Variants in GLRA1 observed in about 807,000 individuals in gnomAD.
The protein encoded by GLRA1 is glycine receptor alpha 1.
In GLRA1, 37 loss-of-function variants were observed where a neutral mutation model predicts 48.3. The ratio of observed to expected loss-of-function variants is 0.77; its 90% confidence interval spans 0.59 to 1.01. GLRA1 has a LOEUF of 1.01. GLRA1 is among the 50% of genes least tolerant of loss of function. GLRA1 has a pLI of 0.00. For synonymous variants in GLRA1, 196 were observed against 210.7 expected (o/e 0.93, Z 0.60); for missense variants, 427 against 571.0 (o/e 0.75, Z 2.57).
At chr5:151,919,037 A>G (rs930850960) in intron 1 of GLRA1, among the ~76,000 whole-genome samples, 5 of 152,246 alleles carry the variant, frequency 3.3e-5, no homozygotes, top group Non-Finnish European at 1.5e-5. Flanking sequence ...AGTGCATTTT[A>G]AACATTTCAA....
intron 3 of GLRA1, among the ~76,000 whole-genome samples, chr5:151,875,123 C>T (rs985721885): frequency 5.3e-5 from 8 of 152,096 alleles, no homozygotes; most frequent in African/African-American, 1.9e-4. Flanking sequence ...TGACTTGTGA[C>T]TAAATGACTG....
intron 1 of GLRA1, among the ~76,000 whole-genome samples, chr5:151,900,482 A>T (rs1262978092): frequency 1.3e-5 from 2 of 152,048 alleles, no homozygotes; most frequent in Non-Finnish European, 2.9e-5. Context: ...GCTGTTCCTA[A>T]TGTGGACTCT....
chr5:151,843,197 A>G (rs547920155), intron 7 of GLRA1, among the ~76,000 whole-genome samples: 4 of 151,888 alleles, frequency 2.6e-5, no homozygotes, highest in Non-Finnish European at 5.9e-5. Flanking sequence ...GAGTCAATGC[A>G]TTCTTTATTA....
intron 7 of GLRA1, among the ~76,000 whole-genome samples, chr5:151,843,148 A>C (rs1346546506): frequency 6.6e-6 from 1 of 152,126 alleles, no homozygotes; most frequent in African/African-American, 2.4e-5. Context: ...GGAAGACATA[A>C]TATTGTTAAG....
intron 2 of GLRA1, among the ~76,000 whole-genome samples, chr5:151,888,471 G>A (rs913454130): frequency 3.9e-5 from 6 of 152,186 alleles, no homozygotes; most frequent in African/African-American, 1.4e-4. Flanking sequence ...GTCATTCTCA[G>A]CTTCAGTGGT....
chr5:151,849,096 T>C (rs1752763858), intron 7 of GLRA1: 1 of 234,058 alleles, frequency 4.3e-6, no homozygotes, highest in Non-Finnish European at 7.6e-6. Flanking sequence ...TCCTTTTTAT[T>C]TCTTTTCTTT....
At chr5:151,921,765 A>G (rs1038514432) in intron 1 of GLRA1, among the ~76,000 whole-genome samples, 1 of 152,224 alleles carries the variant, frequency 6.6e-6, no homozygotes, top group African/African-American at 2.4e-5. Flanking sequence ...TCAAATGAAA[A>G]TAAGGGAAAA....
At chr5:151,918,364 G>A (rs1480475144) in intron 1 of GLRA1, among the ~76,000 whole-genome samples, 8 of 152,254 alleles carry the variant, frequency 5.3e-5, no homozygotes, top group East Asian at 1.9e-4. Context: ...AACACCATCC[G>A]GTGCCTGTGG....
intron 3 of GLRA1, among the ~76,000 whole-genome samples, chr5:151,875,950 A>G (rs754144330): frequency 1.3e-5 from 2 of 152,152 alleles, no homozygotes; most frequent in Non-Finnish European, 2.9e-5. Flanking sequence ...CAGTTTCCTT[A>G]TCTATAAAAT....
chr5:151,838,518 A>T (rs1278122828), intron 7 of GLRA1, among the ~76,000 whole-genome samples: 1 of 152,154 alleles, frequency 6.6e-6, no homozygotes, highest in Non-Finnish European at 1.5e-5. Context: ...GGAGTTGAAA[A>T]GTAAAATAAC....
intron 1 of GLRA1, among the ~76,000 whole-genome samples, chr5:151,895,393 T>C (rs1754204762): frequency 6.6e-6 from 1 of 152,172 alleles, no homozygotes; most frequent in Admixed American, 6.5e-5. Flanking sequence ...TAATATAGAA[T>C]AGTGCAAAAG....
At chr5:151,888,835 C>G (rs918521651) in intron 2 of GLRA1, among the ~76,000 whole-genome samples, 1 of 152,170 alleles carries the variant, frequency 6.6e-6, no homozygotes, top group Non-Finnish European at 1.5e-5. Context: ...CTTAAGCAGC[C>G]CTTTCCATAG....
At chr5:151,864,737 A>T (rs534260825) in intron 3 of GLRA1, among the ~76,000 whole-genome samples, 1 of 152,180 alleles carries the variant, frequency 6.6e-6, no homozygotes, top group South Asian at 2.1e-4. Context: ...GCACTTCTTC[A>T]CTGTGTATGT....
chr5:151,875,468 C>G (rs532375847), intron 3 of GLRA1: 2 of 152,342 alleles, frequency 1.3e-5, no homozygotes, highest in African/African-American at 4.8e-5. Flanking sequence ...ACAACCACAC[C>G]TGGCTATAAG....
At chr5:151,835,170 C>T (rs905959352) in intron 7 of GLRA1, among the ~76,000 whole-genome samples, 4 of 151,824 alleles carry the variant, frequency 2.6e-5, no homozygotes, top group African/African-American at 4.8e-5. Flanking sequence ...ACTAGAAAAT[C>T]TAGGAGAAAT....
intron 3 of GLRA1, 128 bp downstream of exon 3, chr5:151,886,593 A>C (rs1753912450): frequency 1.4e-6 from 1 of 738,190 alleles, no homozygotes. Flanking sequence ...CTCATGGTAT[A>C]CCACTGGAGA....
chr5:151,850,472 T>C, intron 7 of GLRA1: 7 of 1,050,188 alleles, frequency 6.7e-6, no homozygotes, highest in Non-Finnish European at 4.5e-6. Context: ...AGGAGAATGG[T>C]CTGAAGTACA....
chr5:151,908,754 GA>G (rs1329976513), intron 1 of GLRA1, among the ~76,000 whole-genome samples: 7 of 152,074 alleles, frequency 4.6e-5, no homozygotes, highest in African/African-American at 1.7e-4. Context: ...ACAAAATCAG[GA>G]TTTTGGGTAG....
rs147156518 is a variant in GLRA1 at position 151,828,940 on chromosome 5, C to G, written c.1040G>C (p.Arg347Thr). 27 of 1,613,918 alleles carry G rather than the reference C, an allele frequency of 1.7e-5. No individual in the cohort carries two copies. Among genetic ancestry groups the G allele is most frequent in the Non-Finnish European group, 2.1e-5 (25 of 1,179,904 alleles). The change falls in exon 8 of 9, where the codon AGG (arginine) becomes ACG (threonine). Residue 347 changes from arginine to threonine, a missense_variant. Transcript: ENST00000274576. ...GCCTACCTTGTGATGTCTCCGCTTCCTCCTGAATCGGAGCAGCTCCTTATG... is the reference window on the plus strand; with the variant it reads ...GCCTACCTTGTGATGTCTCCGCTTCGTCCTGAATCGGAGCAGCTCCTTATG... ...RQHKELLRFR[R>T]KRRHHKEDEA...
Sources: gnomAD v4.1 joint callset for allele counts (sites outside exome capture counted in the v4.1 genomes callset) on GRCh38, gnomAD v4.1.1 for gene constraint, MANE v1.5 for transcripts, NCBI Gene and HGNC (gene_info 2026-07-23, HGNC 2026-07-21) for gene names.